The following MACROD1 variants were observed in gnomAD, a reference collection of about 807,000 sequenced individuals.
MACROD1 encodes the protein mono-ADP ribosylhydrolase 1, also known as ADP-ribose glycohydrolase MACROD1.
MACROD1 carries 31 observed loss-of-function variants against 41.4 expected under a neutral mutation model. The ratio of observed to expected loss-of-function variants is 0.75; its 90% confidence interval spans 0.56 to 1.01. The LOEUF is 1.01. MACROD1 is among the 50% of genes least tolerant of loss of function. The pLI, the probability that MACROD1 is intolerant of heterozygous loss-of-function variation, is 0.00. For missense variants in MACROD1, 473 were observed against 460.0 expected (o/e 1.03, Z -0.26); for synonymous variants, 252 against 203.4 (o/e 1.24, Z -2.03).
At chr11:64,001,922 C>A (rs957052496) in intron 4 of MACROD1, 8 of 613,056 alleles carry the variant, frequency 1.3e-5, no homozygotes, top group Admixed American at 2.6e-5. Context: ...CATTTAACCT[C>A]TCTGGGTCTC....
chr11:64,061,065 T>TC (rs1416135538), intron 3 of MACROD1, among the ~76,000 whole-genome samples: 1 of 151,822 alleles, frequency 6.6e-6, no homozygotes, highest in East Asian at 1.9e-4. Flanking sequence ...GGGCTTGGCG[T>TC]CCCCCCCACT....
intron 3 of MACROD1, among the ~76,000 whole-genome samples, chr11:64,017,492 A>AC (rs1943096999): frequency 6.6e-6 from 1 of 151,806 alleles, no homozygotes; most frequent in African/African-American, 2.4e-5. Flanking sequence ...AAGCCAGCTG[A>AC]CCCCAGGGAC....
chr11:64,020,677 G>A (rs1011404365), intron 3 of MACROD1, among the ~76,000 whole-genome samples: 6 of 151,960 alleles, frequency 3.9e-5, no homozygotes, highest in Admixed American at 3.3e-4. Context: ...GCTCTCCTGG[G>A]GGGGCCATGA....
intron 1 of MACROD1, among the ~76,000 whole-genome samples, chr11:64,157,037 C>A (rs1945679271): frequency 1.3e-5 from 2 of 152,236 alleles, no homozygotes; most frequent in South Asian, 4.1e-4. Flanking sequence ...CTCTTTGTTC[C>A]CCCTGGAGGA....
chr11:64,074,506 G>A (rs572880499), intron 3 of MACROD1, among the ~76,000 whole-genome samples: 1 of 152,320 alleles, frequency 6.6e-6, no homozygotes, highest in South Asian at 2.1e-4. Context: ...GCTCAGAGAG[G>A]TTCAGTTTCT....
rs187174539 is a variant in MACROD1 at position 64,094,987 on chromosome 11, G to C, written c.517+56252C>G. 2.2e-3 allele frequency among the ~76,000 whole-genome samples: 338 copies of C among 152,300 alleles called. 4 individuals carry two copies. Among genetic ancestry groups the C allele is most frequent in the African/African-American group, 7.2e-3 (301 of 41,566 alleles). ...AAGTACTAGGGGCCTCGTTAGCTGT[G>C]GCTTCAAAGAGCCTCGTTATTAACA... On this transcript the variant is annotated intron_variant, in intron 3 of 10. Transcript: ENST00000255681.
At chr11:64,145,002 C>T (rs1229074348) in intron 3 of MACROD1, among the ~76,000 whole-genome samples, 1 of 152,164 alleles carries the variant, frequency 6.6e-6, no homozygotes, top group African/African-American at 2.4e-5. Context: ...GGTGGCCACT[C>T]AGGTTCTGGC....
intron 3 of MACROD1, among the ~76,000 whole-genome samples, chr11:64,075,828 A>G (rs1171219514): frequency 6.6e-6 from 1 of 152,190 alleles, no homozygotes; most frequent in Non-Finnish European, 1.5e-5. Flanking sequence ...TTGAGCCACC[A>G]TGCCCAGCTA....
At chr11:64,108,313 CAAAAA>C (rs59331409) in intron 3 of MACROD1, among the ~76,000 whole-genome samples, 1 of 100,848 alleles carries the variant, frequency 9.9e-6, no homozygotes, top group Non-Finnish European at 2.1e-5. Flanking sequence ...AACTCTGTCT[CAAAAA>C]AAAAAAAAAA....
At chr11:64,148,929 G>T (rs1229037221) in intron 3 of MACROD1, 1 of 985,322 alleles carries the variant, frequency 1.0e-6, no homozygotes, top group African/African-American at 1.7e-5. Context: ...AGCCCTGGAC[G>T]GCTGAAAGGA....
intron 3 of MACROD1, among the ~76,000 whole-genome samples, chr11:64,055,861 T>G (rs887289645): frequency 6.6e-6 from 1 of 152,184 alleles, no homozygotes; most frequent in African/African-American, 2.4e-5. Flanking sequence ...CGGTGACTCT[T>G]GGGTCTGCTA....
At chr11:64,114,604 CAGAT>C (rs1944940682) in intron 3 of MACROD1, among the ~76,000 whole-genome samples, 3 of 127,006 alleles carry the variant, frequency 2.4e-5, no homozygotes, top group South Asian at 5.2e-4. Context: ...GGATGGTGGA[CAGAT>C]GGATGGATGG....
intron 3 of MACROD1, chr11:64,103,814 G>C (rs1056438546): frequency 6.6e-6 from 1 of 152,248 alleles, no homozygotes; most frequent in Admixed American, 6.5e-5. Context: ...GGGTCCAGAG[G>C]GGTGTCCCTG....
chr11:64,007,250 G>T (rs1037726857), intron 4 of MACROD1, among the ~76,000 whole-genome samples: 1 of 152,212 alleles, frequency 6.6e-6, no homozygotes, highest in Non-Finnish European at 1.5e-5. Context: ...TCCTGTGGCC[G>T]CAGCAGTTCT....
Position 63,999,415 on chromosome 11 carries a change from T to A in MACROD1, c.818-11A>T, listed in dbSNP as rs756936488. On this transcript the variant is annotated splice_polypyrimidine_tract_variant and intron_variant, in intron 7 of 10. Transcript: ENST00000255681. ...CCTCACAGGGGTAGCCTGAGGCGGG[T>A]GGGGCGGGAGTGAGTCCTAGGCTCT... The A allele has an allele frequency of 1.3e-6, 2 of 1,562,686 alleles. No homozygotes were observed. The highest frequency in any genetic ancestry group is 2.3e-5 in the South Asian group (2 of 85,848).
In MACROD1 at chr11:64,082,519, T is replaced by A. The variant is rs1177672927; in HGVS notation, c.518-67238A>T. On this transcript the variant is annotated intron_variant, in intron 3 of 10. Transcript: ENST00000255681. The surrounding 1 kb of genome is among the most constrained non-coding windows in gnomAD (Gnocchi z 4.5). Reference sequence around the variant, plus strand: ...TCCCAGGGGGTGAAACAAGGCTCGGTGCCTAACGGTGGTGGCCGTGGGAGT... The same window carrying A: ...TCCCAGGGGGTGAAACAAGGCTCGGAGCCTAACGGTGGTGGCCGTGGGAGT... 6.6e-6 allele frequency among the ~76,000 whole-genome samples: 1 copy of A among 151,746 alleles called. No homozygotes were observed. Among genetic ancestry groups the A allele is most frequent in the Non-Finnish European group, 1.5e-5 (1 of 67,904 alleles).
chr11:64,158,569 C>T (rs1367687731), intron 1 of MACROD1, among the ~76,000 whole-genome samples: 1 of 152,094 alleles, frequency 6.6e-6, no homozygotes, highest in Non-Finnish European at 1.5e-5. Context: ...GTGATCCCAG[C>T]ACAACCTCCA....
At chr11:64,076,203 C>G (rs1944197295) in intron 3 of MACROD1, among the ~76,000 whole-genome samples, 1 of 152,218 alleles carries the variant, frequency 6.6e-6, no homozygotes, top group South Asian at 2.1e-4. Context: ...GCTCCTGCCC[C>G]TCCATCTCAC....
At chr11:64,016,061 C>G (rs1453781565) in intron 3 of MACROD1, among the ~76,000 whole-genome samples, 1 of 152,208 alleles carries the variant, frequency 6.6e-6, no homozygotes, top group African/African-American at 2.4e-5. Flanking sequence ...TCCCCGCCCC[C>G]TCCTTGGACT....
Sources: gnomAD v4.1 joint callset for allele counts (sites outside exome capture counted in the v4.1 genomes callset) on GRCh38, gnomAD v4.1.1 for gene constraint, Gnocchi (gnomAD v3.1) non-coding constraint, MANE v1.5 for transcripts, NCBI Gene and HGNC (gene_info 2026-07-23, HGNC 2026-07-21) for gene names.